XKR9: variants seen among roughly 807,000 people sequenced by gnomAD.
XKR9 encodes the protein XK-related protein 9.
A neutral mutation model predicts 32.0 loss-of-function variants in XKR9; 32 were observed. The observed-to-expected ratio is 1.00, with a 90% confidence interval of 0.76 to 1.34. XKR9 has a LOEUF of 1.34. XKR9 is among the 40% of genes most tolerant of loss of function. XKR9 has a pLI of 0.00. For missense variants in XKR9, 546 were observed against 429.7 expected, an observed-to-expected ratio of 1.27 and a Z score of -2.39; for synonymous variants, 168 against 143.4, an observed-to-expected ratio of 1.17 and a Z score of -1.22.
At chr8:70,712,144 A>G (rs915345022) in intron 4 of XKR9, among the ~76,000 whole-genome samples, 5 of 152,200 alleles carry the variant, frequency 3.3e-5, no homozygotes, top group African/African-American at 1.2e-4. Context: ...CAGAGAGTGC[A>G]GAGTAGAATA....
chr8:70,833,006 C>A, the XKR9 span, among the ~76,000 whole-genome samples: 5 of 152,154 alleles, frequency 3.3e-5, no homozygotes, highest in Non-Finnish European at 5.9e-5. Flanking sequence ...AAAATCCAGT[C>A]TAACCCCAGA....
chr8:70,755,770 GA>G (rs1358867898), intron 2 of XKR9, among the ~76,000 whole-genome samples: 3 of 129,032 alleles, frequency 2.3e-5, no homozygotes, highest in Non-Finnish European at 3.3e-5. Context: ...GGGGTGGGGG[GA>G]GGGGGGGAGG....
the XKR9 span, among the ~76,000 whole-genome samples, chr8:71,027,264 A>T: frequency 6.6e-6 from 1 of 151,196 alleles, no homozygotes; most frequent in South Asian, 2.1e-4. Flanking sequence ...TTTCTATTTG[A>T]TTCATTTTAT....
the XKR9 span, among the ~76,000 whole-genome samples, chr8:71,043,640 G>T: frequency 6.6e-6 from 1 of 152,120 alleles, no homozygotes; most frequent in Non-Finnish European, 1.5e-5. Flanking sequence ...ACAAAGAATT[G>T]CTGTTGGCTG....
intron 4 of XKR9, among the ~76,000 whole-genome samples, chr8:70,729,685 T>C (rs192106384): frequency 2.8e-4 from 42 of 152,272 alleles, no homozygotes; most frequent in African/African-American, 9.6e-4. Context: ...GTTACCTCTG[T>C]GGTACACAAT....
chr8:70,842,547 T>TACAC, the XKR9 span, among the ~76,000 whole-genome samples: 13,509 of 149,046 alleles, frequency 0.091, 697 homozygotes, highest in Non-Finnish European at 0.12. Context: ...CATCATTATT[T>TACAC]ACACACACAC....
chr8:71,006,251 G>A, the XKR9 span, among the ~76,000 whole-genome samples: 1 of 152,222 alleles, frequency 6.6e-6, no homozygotes, highest in Admixed American at 6.5e-5. Flanking sequence ...TGTTCTGTAG[G>A]CTGGATGTGG....
At chr8:70,812,226 T>C in the XKR9 span, among the ~76,000 whole-genome samples, 1 of 152,158 alleles carries the variant, frequency 6.6e-6, no homozygotes, top group Non-Finnish European at 1.5e-5. Context: ...AAAAGGCCTT[T>C]GACAAAATTC....
chr8:70,904,813 C>A, the XKR9 span, among the ~76,000 whole-genome samples: 1 of 152,100 alleles, frequency 6.6e-6, no homozygotes, highest in East Asian at 1.9e-4. Context: ...TAAGGCAGGC[C>A]TGGTGGTGAC....
chr8:70,823,950 G>T, the XKR9 span, among the ~76,000 whole-genome samples: 110 of 152,270 alleles, frequency 7.2e-4, no homozygotes, highest in African/African-American at 2.5e-3. Flanking sequence ...TATTCTCAAA[G>T]AACTTGAAAT....
At chr8:70,758,251 C>T (rs1300957135) in intron 2 of XKR9, among the ~76,000 whole-genome samples, 4 of 151,942 alleles carry the variant, frequency 2.6e-5, no homozygotes, top group Non-Finnish European at 4.4e-5. Context: ...CTACAGTTAG[C>T]TTGGGATGAC....
chr8:70,683,729 C>T lies in XKR9; in HGVS notation c.272+2399C>T, dbSNP rs148207179. 1.5e-3 allele frequency: 477 copies of T among 310,346 alleles called. 1 individual carries two copies. Among genetic ancestry groups the T allele is most frequent in the African/African-American group, 0.01 (448 of 44,076 alleles). 19.2% of individuals were successfully genotyped at this position (310,346 alleles called of 1,614,324 possible). A position where few individuals can be genotyped will look rare whatever the true frequency, so the allele number is the denominator to read the frequency against. ...TCTCGAACTCCTGACCTCAAGTGATCCACCCACCTTGGCCTCCCAAAGTGT... is the reference window on the plus strand; with the variant it reads ...TCTCGAACTCCTGACCTCAAGTGATTCACCCACCTTGGCCTCCCAAAGTGT... On this transcript the variant is annotated intron_variant, in intron 3 of 4. Coordinates refer to ENST00000408926, the MANE Select transcript of XKR9 (RefSeq NM_001011720.2).
intron 3 of XKR9, among the ~76,000 whole-genome samples, chr8:70,702,949 TC>T (rs1805590073): frequency 6.6e-6 from 1 of 152,192 alleles, no homozygotes; most frequent in African/African-American, 2.4e-5. Context: ...TGGTGAGAAG[TC>T]AGCCAACACT....
At chr8:70,882,101 T>C in the XKR9 span, among the ~76,000 whole-genome samples, 4 of 150,366 alleles carry the variant, frequency 2.7e-5, no homozygotes, top group Non-Finnish European at 1.5e-5. Context: ...CATCACACAA[T>C]GGGGCCTGTT....
chr8:70,854,511 A>C, the XKR9 span, among the ~76,000 whole-genome samples: 1 of 152,112 alleles, frequency 6.6e-6, no homozygotes, highest in Admixed American at 6.5e-5. Flanking sequence ...TGCTGGGCAG[A>C]AGCTCTTTAT....
At chr8:70,701,611 C>A (rs1428835517) in intron 3 of XKR9, among the ~76,000 whole-genome samples, 1 of 152,076 alleles carries the variant, frequency 6.6e-6, no homozygotes, top group Admixed American at 6.6e-5. Context: ...TAGAACAGTT[C>A]ATAAAAATGG....
the XKR9 span, among the ~76,000 whole-genome samples, chr8:70,985,222 C>T: frequency 1.3e-5 from 2 of 152,146 alleles, no homozygotes; most frequent in Non-Finnish European, 2.9e-5. Context: ...CATGTATTCT[C>T]ATTGTTTAGC....
intron 2 of XKR9, among the ~76,000 whole-genome samples, chr8:70,759,628 T>C (rs1807280079): frequency 6.6e-6 from 1 of 152,214 alleles, no homozygotes; most frequent in Non-Finnish European, 1.5e-5. Context: ...TATTTCTTCT[T>C]GTTTTGACTA....
At chr8:70,746,190 A>G (rs1807056768) in intron 2 of XKR9, among the ~76,000 whole-genome samples, 1 of 150,382 alleles carries the variant, frequency 6.6e-6, no homozygotes, top group Admixed American at 6.6e-5. Flanking sequence ...ACAGTAAAAT[A>G]AACAGCATAT....
Sources: allele counts gnomAD v4.1 joint callset (sites outside exome capture counted in the v4.1 genomes callset), GRCh38; gene constraint gnomAD v4.1.1; transcripts MANE v1.5; gene names NCBI Gene and HGNC (gene_info 2026-07-23, HGNC 2026-07-21).